The following TLNRD1 variants were observed in gnomAD, a reference collection of about 807,000 sequenced individuals.
The protein encoded by TLNRD1 is talin rod domain-containing protein 1.
Under a neutral mutation model 19.5 loss-of-function variants are expected in TLNRD1, and 14 were observed. The observed-to-expected ratio is 0.72, with a 90% confidence interval of 0.47 to 1.12. The LOEUF (loss-of-function observed/expected upper bound fraction) is 1.12. TLNRD1 is among the 50% of genes most tolerant of loss of function. TLNRD1 has a pLI of 0.00. For synonymous variants in TLNRD1, 345 were observed against 261.7 expected, an observed-to-expected ratio of 1.32 and a Z score of -3.07; for missense variants, 569 against 531.9, an observed-to-expected ratio of 1.07 and a Z score of -0.69.
chr15:81,003,095 C>T lies in TLNRD1; in HGVS notation c.824C>T (p.Ala275Val). 1.9e-6 allele frequency: 3 copies of T among 1,555,054 alleles called. No homozygotes were observed. Among genetic ancestry groups the T allele is most frequent in the Non-Finnish European group, 1.7e-6 (2 of 1,154,098 alleles). ...ATEPQFLGRA[A>V]AVSAEGKAVQ... Reference sequence around the variant, plus strand: ...GAGCCGCAGTTCCTGGGTCGCGCGGCAGCTGTGAGCGCCGAGGGCAAGGCG... The same window carrying T: ...GAGCCGCAGTTCCTGGGTCGCGCGGTAGCTGTGAGCGCCGAGGGCAAGGCG... The change falls in exon 1 of 1, where the codon GCA (alanine) becomes GTA (valine). Residue 275 changes from alanine (A) to valine (V), a missense_variant. Ala to Val is a moderately conservative substitution (Grantham distance 64). Coordinates refer to ENST00000267984, the MANE Select transcript of TLNRD1 (RefSeq NM_022566.3).
In TLNRD1 at chr15:81,002,946, G is replaced by A. The variant is rs1207869635; in HGVS notation, c.675G>A (p.Ala225=). The A allele has an allele frequency of 3.1e-6, 5 of 1,593,888 alleles. No individual in the cohort carries two copies. The highest frequency in any genetic ancestry group is 1.7e-5 in the Admixed American group (1 of 59,556). The stretch of plus-strand genomic sequence containing the variant: ...GCGTCAAGTGCATGAGCACCAGCGC[G>A]TCGGCGCTGCTGGCCTGCGTGCGCG... ...KLGVKCMSTS[A]SALLACVREV... is the part of the protein sequence containing the mutation. The change falls in exon 1 of 1, where the codon GCG becomes GCA. Residue 225 remains alanine (A), a synonymous_variant. Transcript: ENST00000267984.
chr15:81,003,175 C>T lies in TLNRD1; in HGVS notation c.904C>T (p.Leu302=), dbSNP rs771810217. ...GAGCGTGGTGTCGGCCTGCGTGCTCCTGACCCAGTGCCTCAGGGATCTGGC... is the reference window on the plus strand; with the variant it reads ...GAGCGTGGTGTCGGCCTGCGTGCTCTTGACCCAGTGCCTCAGGGATCTGGC... ...AMSVVSACVL[L]TQCLRDLAQH... Residue 302 remains leucine (L), a synonymous_variant, in exon 1 of 1, where the codon CTG becomes TTG. Coordinates refer to ENST00000267984, the MANE Select transcript of TLNRD1 (RefSeq NM_022566.3). 18 of 1,582,224 alleles carry T rather than the reference C, an allele frequency of 1.1e-5. No individual in the cohort carries two copies. In the Admixed American group the frequency reaches 2.5e-4, roughly 22 times the overall value.
Position 81,003,544 on chromosome 15 carries a change from C to A in TLNRD1, c.*184C>A. 3.2e-6 allele frequency: 2 copies of A among 634,812 alleles called. No individual in the cohort carries two copies. Among genetic ancestry groups the A allele is most frequent in the Non-Finnish European group, 5.4e-6 (2 of 372,464 alleles). The allele number at this position is 634,812 out of a possible 1,614,324, so 39.3% of individuals were successfully genotyped here. ...GCAACCTGCACACGCACTTGGAGGG[C>A]CCAGGTGTCTCTCCACCAGCCCCCA... On this transcript the variant is annotated 3_prime_UTR_variant, in exon 1 of 1. Coordinates refer to ENST00000267984, the MANE Select transcript of TLNRD1 (RefSeq NM_022566.3).
Position 81,003,504 on chromosome 15 carries a change from G to A in TLNRD1, c.*144G>A. ...AATGCTCGAGAGGAATCTTCCACAA[G>A]GCAGGGCCATGCACGCAACCTGCAC... On this transcript the variant is annotated 3_prime_UTR_variant, in exon 1 of 1. Coordinates refer to ENST00000267984, the MANE Select transcript of TLNRD1 (RefSeq NM_022566.3). 1.0e-6 allele frequency: 1 copy of A among 998,946 alleles called. No homozygotes were observed. Among genetic ancestry groups the A allele is most frequent in the Non-Finnish European group, 1.4e-6 (1 of 690,320 alleles). 61.9% of individuals were successfully genotyped at this position (998,946 alleles called of 1,614,324 possible). A position where few individuals can be genotyped will look rare whatever the true frequency, so the allele number is the denominator to read the frequency against.
At position 81,002,971 on chromosome 15, in the gene TLNRD1, G is replaced by T; in HGVS notation, c.700G>T (p.Glu234Ter). ...SASALLACVR[E>*]VKVAPSELAR... ...GTCGGCGCTGCTGGCCTGCGTGCGC[G>T]AGGTGAAGGTGGCGCCCAGTGAGCT... is the stretch of plus-strand genomic sequence containing the variant. The change falls in exon 1 of 1, where the codon GAG (glutamate) becomes TAG (stop). Residue 234 changes from glutamate (E) to a stop codon, truncating the protein, a stop_gained. Transcript: ENST00000267984. LOFTEE classifies it high-confidence loss of function. 1 of 1,583,266 alleles carries T rather than the reference G, an allele frequency of 6.3e-7. No individual in the cohort carries two copies.
In TLNRD1 at chr15:81,001,529, C is replaced by A. The variant is rs1180984710; in HGVS notation, c.-743C>A. On this transcript the variant is annotated 5_prime_UTR_variant, in exon 1 of 1. Transcript: ENST00000267984. ...TGCGCAATCAGTGCAGGCTCCCGCC[C>A]GACTCTGACTCGGCGCGGCCGCGAC... is the stretch of plus-strand genomic sequence containing the variant. 6.6e-6 allele frequency: 1 copy of A among 151,704 alleles called. No individual in the cohort carries two copies. Among genetic ancestry groups the A allele is most frequent in the Non-Finnish European group, 1.5e-5 (1 of 67,900 alleles). 9.4% of individuals were successfully genotyped at this position (151,704 alleles called of 1,614,324 possible).
Position 81,004,733 on chromosome 15 carries a change from GT to G in TLNRD1, c.*1376del, listed in dbSNP as rs1250195202. The G allele has an allele frequency of 1.8e-5, 3 of 167,106 alleles. No individual in the cohort carries two copies. Among genetic ancestry groups the G allele is most frequent in the African/African-American group, 7.2e-5 (3 of 41,458 alleles). 10.4% of individuals were successfully genotyped at this position (167,106 alleles called of 1,614,324 possible). On this transcript the variant is annotated 3_prime_UTR_variant, in exon 1 of 1. Transcript: ENST00000267984. ...TGGAATTTGGAGTAATATTAAGGTAGTTTGTCTTTTCTGCAGACATTTTTAG... is the reference window on the plus strand; with the variant it reads ...TGGAATTTGGAGTAATATTAAGGTAGTTGTCTTTTCTGCAGACATTTTTAG...
chr15:81,003,131 C>T lies in TLNRD1; in HGVS notation c.860C>T (p.Ala287Val). 6.4e-7 allele frequency: 1 copy of T among 1,562,638 alleles called. No individual in the cohort carries two copies. The highest frequency in any genetic ancestry group is 8.7e-7 in the Non-Finnish European group (1 of 1,154,546). The change falls in exon 1 of 1, where the codon GCC becomes GTC. Residue 287 changes from alanine (A) to valine (V), a missense_variant. By Grantham distance (64) the Ala-to-Val change is moderately conservative (BLOSUM62 0). Transcript: ENST00000267984. ...GCCGAGGGCAAGGCGGTGCAGACCG[C>T]CATCCTGGGCGGCGCCATGAGCGTG... Reference protein sequence around the residue: ...VSAEGKAVQTAILGGAMSVVS... With the variant: ...VSAEGKAVQTVILGGAMSVVS...
rs747927954 is a variant in TLNRD1 at position 81,002,665 on chromosome 15, C to G, written c.394C>G (p.Leu132Val). ...LTECSAHAAY[L>V]AAVATPGAQP... is the part of the protein sequence containing the mutation. Reference sequence around the variant, plus strand: ...CGAGTGCTCGGCCCACGCGGCCTATCTGGCCGCTGTGGCCACGCCGGGCGC... The same window carrying G: ...CGAGTGCTCGGCCCACGCGGCCTATGTGGCCGCTGTGGCCACGCCGGGCGC... The change falls in exon 1 of 1, where the codon CTG becomes GTG. Residue 132 changes from leucine to valine, a missense_variant. Transcript: ENST00000267984. The G allele has an allele frequency of 4.8e-6, 7 of 1,467,064 alleles. No homozygotes were observed. Among genetic ancestry groups the G allele is most frequent in the Non-Finnish European group, 5.3e-6 (6 of 1,123,070 alleles). The allele number at this position is 1,467,064 out of a possible 1,614,324, so 90.9% of individuals were successfully genotyped here.
rs999803833 is a variant in TLNRD1, at chr15:81,002,198, G to C, written c.-74G>C. 8.3e-7 allele frequency: 1 copy of C among 1,207,454 alleles called. No individual in the cohort carries two copies. The highest frequency in any genetic ancestry group is 4.2e-5 in the South Asian group (1 of 23,744). The allele number at this position is 1,207,454 out of a possible 1,614,324, so 74.8% of individuals were successfully genotyped here. On this transcript the variant is annotated 5_prime_UTR_variant, in exon 1 of 1. Coordinates refer to ENST00000267984, the MANE Select transcript of TLNRD1 (RefSeq NM_022566.3). ...GCCAGCTGAGTCGCGACGGCCGCCG[G>C]GGCGGCGGCAGTGGCCGCGGCAGCG...
Position 81,001,823 on chromosome 15 carries a change from A to C in TLNRD1, c.-449A>C, listed in dbSNP as rs1281892156. The stretch of plus-strand genomic sequence containing the variant: ...AAAGGATTTTGATTTCAAAGAAAGG[A>C]AGGAAGGAAGGACAACTCCCAGCTT... On this transcript the variant is annotated 5_prime_UTR_variant, in exon 1 of 1. Transcript: ENST00000267984. 1 of 153,098 alleles carries C rather than the reference A, an allele frequency of 6.5e-6. No individual in the cohort carries two copies. The highest frequency in any genetic ancestry group is 2.0e-4 in the East Asian group (1 of 5,044). The allele number at this position is 153,098 out of a possible 1,614,324, so 9.5% of individuals were successfully genotyped here. A position where few individuals can be genotyped will look rare whatever the true frequency, so the allele number is the denominator to read the frequency against.
Position 81,003,630 on chromosome 15 carries a change from C to T in TLNRD1, c.*270C>T, listed in dbSNP as rs1031042906. On this transcript the variant is annotated 3_prime_UTR_variant, in exon 1 of 1. Transcript: ENST00000267984. ...TGTGTTATCACTCCCACCCCCTACC[C>T]CAGCCCGTCTTCCGGAATTTCTCAA... The T allele has an allele frequency of 1.9e-5, 7 of 373,748 alleles. No individual in the cohort carries two copies. The highest frequency in any genetic ancestry group is 6.3e-5 in the African/African-American group (3 of 47,838). The allele number at this position is 373,748 out of a possible 1,614,324, so 23.2% of individuals were successfully genotyped here.
rs1451287456 is a variant in TLNRD1, at chr15:81,002,778, C to A, written c.507C>A (p.Ala169=). ...EVEQGCAVLR[A]TPLADMTPQL... Reference sequence around the variant, plus strand: ...AGCAGGGTTGCGCCGTGCTGCGCGCCACGCCGCTGGCCGACATGACGCCGC... The same window carrying A: ...AGCAGGGTTGCGCCGTGCTGCGCGCAACGCCGCTGGCCGACATGACGCCGC... The change falls in exon 1 of 1, where the codon GCC becomes GCA. Residue 169 remains alanine (A), a synonymous_variant. Transcript: ENST00000267984. 4.5e-6 allele frequency: 7 copies of A among 1,549,074 alleles called. No individual in the cohort carries two copies. Among genetic ancestry groups the A allele is most frequent in the Non-Finnish European group, 6.1e-6 (7 of 1,153,866 alleles).
Position 81,003,644 on chromosome 15 carries a change from G to T in TLNRD1, c.*284G>T. 1 of 345,528 alleles carries T rather than the reference G, an allele frequency of 2.9e-6. No individual in the cohort carries two copies. The highest frequency in any genetic ancestry group is 5.5e-6 in the Non-Finnish European group (1 of 183,036). 21.4% of individuals were successfully genotyped at this position (345,528 alleles called of 1,614,324 possible). A position where few individuals can be genotyped will look rare whatever the true frequency, so the allele number is the denominator to read the frequency against. ...CACCCCCTACCCCAGCCCGTCTTCC[G>T]GAATTTCTCAACTAAATTTCATTAT... On this transcript the variant is annotated 3_prime_UTR_variant, in exon 1 of 1. Transcript: ENST00000267984.
Position 81,003,108 on chromosome 15 carries a change from C to A in TLNRD1, c.837C>A (p.Ala279=), listed in dbSNP as rs1335081851. The A allele has an allele frequency of 7.1e-6, 11 of 1,558,540 alleles. No individual in the cohort carries two copies. The highest frequency in any genetic ancestry group is 8.7e-6 in the Non-Finnish European group (10 of 1,154,916). The change falls in exon 1 of 1, where the codon GCC becomes GCA. Residue 279 remains alanine, a synonymous_variant. Transcript: ENST00000267984. ...TGGGTCGCGCGGCAGCTGTGAGCGC[C>A]GAGGGCAAGGCGGTGCAGACCGCCA... ...QFLGRAAAVS[A]EGKAVQTAIL... is the part of the protein sequence containing the mutation.
Position 81,003,214 on chromosome 15 carries a change from G to A in TLNRD1, c.943G>A (p.Gly315Arg). The A allele has an allele frequency of 3.7e-6, 6 of 1,600,774 alleles. No homozygotes were observed. Among genetic ancestry groups the A allele is most frequent in the Non-Finnish European group, 5.1e-6 (6 of 1,174,340 alleles). Residue 315 changes from glycine (G) to arginine (R), a missense_variant, in exon 1 of 1, where the codon GGG (glycine) becomes AGG (arginine). Physicochemically the swap from Gly to Arg is moderately radical, Grantham distance 125. Transcript: ENST00000267984. Reference protein sequence around the residue: ...CLRDLAQHPDGGAKMSDHRER... With the variant: ...CLRDLAQHPDRGAKMSDHRER... ...CAGGGATCTGGCGCAGCACCCCGAC[G>A]GGGGCGCCAAGATGTCGGACCACAG... is the stretch of plus-strand genomic sequence containing the variant.
rs1300497452 is a variant in TLNRD1 at position 81,001,056 on chromosome 15, C to G, written c.-1216C>G. 1 of 152,680 alleles carries G rather than the reference C, an allele frequency of 6.5e-6. No homozygotes were observed. The highest frequency in any genetic ancestry group is 1.5e-5 in the Non-Finnish European group (1 of 68,250). 9.5% of individuals were successfully genotyped at this position (152,680 alleles called of 1,614,324 possible). A position where few individuals can be genotyped will look rare whatever the true frequency, so the allele number is the denominator to read the frequency against. ...GCGGCGGCGCAGCCACGGCCGCGCT[C>G]CGAGGTGAAGCCGCGCGCGGAGAGG... On this transcript the variant is annotated 5_prime_UTR_variant, in exon 1 of 1. Coordinates refer to ENST00000267984, the MANE Select transcript of TLNRD1 (RefSeq NM_022566.3).
chr15:81,002,208 AGTGGCCGCGGCAGCGGCGGTG>A lies in TLNRD1; in HGVS notation c.-61_-41del, dbSNP rs1210154907. ...TCGCGACGGCCGCCGGGGCGGCGGCAGTGGCCGCGGCAGCGGCGGTGGTAGCGGGCTCCCCAGCGGCATGCC... is the reference window on the plus strand; with the variant it reads ...TCGCGACGGCCGCCGGGGCGGCGGCAGTAGCGGGCTCCCCAGCGGCATGCC... On this transcript the variant is annotated 5_prime_UTR_variant, in exon 1 of 1. Transcript: ENST00000267984. 1.6e-6 allele frequency: 2 copies of A among 1,213,648 alleles called. No homozygotes were observed. 75.2% of individuals were successfully genotyped at this position (1,213,648 alleles called of 1,614,324 possible). A position where few individuals can be genotyped will look rare whatever the true frequency, so the allele number is the denominator to read the frequency against.
rs747927954 is a variant in TLNRD1, at chr15:81,002,665, C to T, written c.394C>T (p.Leu132=). 5 of 1,466,954 alleles carry T rather than the reference C, an allele frequency of 3.4e-6. No homozygotes were observed. Among genetic ancestry groups the T allele is most frequent in the Admixed American group, 2.8e-5 (1 of 36,154 alleles). The allele number at this position is 1,466,954 out of a possible 1,614,324, so 90.9% of individuals were successfully genotyped here. A position where few individuals can be genotyped will look rare whatever the true frequency, so the allele number is the denominator to read the frequency against. Residue 132 remains leucine, a synonymous_variant, in exon 1 of 1, where the codon CTG becomes TTG. Transcript: ENST00000267984. ...LTECSAHAAY[L]AAVATPGAQP... The stretch of plus-strand genomic sequence containing the variant: ...CGAGTGCTCGGCCCACGCGGCCTAT[C>T]TGGCCGCTGTGGCCACGCCGGGCGC...
Sources: allele counts gnomAD v4.1 joint callset, GRCh38; gene constraint gnomAD v4.1.1; transcripts MANE v1.5; gene names NCBI Gene and HGNC (gene_info 2026-07-23, HGNC 2026-07-21).